Variants in ATP6V1C1 observed in about 807,000 individuals in gnomAD.
ATP6V1C1 encodes V-type proton ATPase subunit C 1.
In ATP6V1C1, 45 loss-of-function variants were observed where a neutral mutation model predicts 53.9. The observed-to-expected ratio is 0.83, with a 90% CI of 0.66 to 1.07. ATP6V1C1 has a LOEUF of 1.07. ATP6V1C1 is among the 50% of genes least tolerant of loss of function. The probability of loss-of-function intolerance (pLI) is 0.00; values close to 1 mark genes in which losing one functional copy is unlikely to be tolerated. For missense variants in ATP6V1C1, 315 were observed against 440.3 expected (o/e 0.72, Z 2.55); for synonymous variants, 153 against 155.2 (o/e 0.99, Z 0.11).
At chr8:103,029,217 G>T (rs1042563160) in intron 1 of ATP6V1C1, among the ~76,000 whole-genome samples, 1 of 151,428 alleles carries the variant, frequency 6.6e-6, no homozygotes, top group East Asian at 1.9e-4. Context: ...TTGCCAAATT[G>T]TGTTCCAGAA....
chr8:103,056,339 G>T (rs1817288536), intron 8 of ATP6V1C1, among the ~76,000 whole-genome samples: 1 of 152,140 alleles, frequency 6.6e-6, no homozygotes, highest in Non-Finnish European at 1.5e-5. Flanking sequence ...AAGTGTACCA[G>T]AATGGCTACT....
chr8:103,048,936 G>C lies in ATP6V1C1; in HGVS notation c.267G>C (p.Glu89Asp). The change falls in exon 4 of 13, where the codon GAG (glutamate) becomes GAC (aspartate). Residue 89 changes from glutamate to aspartate, a missense_variant. Physicochemically the swap from Glu to Asp is conservative, Grantham distance 45. Transcript: ENST00000518738. ...VLEDSKDKVQ[E>D]NLLANGVDLV... ...AAGATAGCAAAGACAAAGTTCAAGA[G>C]AATCTGTTGGCTAATGGAGGTAAGC... is the stretch of plus-strand genomic sequence containing the variant. 6.2e-7 allele frequency: 1 copy of C among 1,613,126 alleles called. No homozygotes were observed. Among genetic ancestry groups the C allele is most frequent in the Non-Finnish European group, 8.5e-7 (1 of 1,179,564 alleles).
intron 8 of ATP6V1C1, among the ~76,000 whole-genome samples, chr8:103,060,335 A>T: frequency 6.6e-6 from 1 of 152,196 alleles, no homozygotes; most frequent in East Asian, 1.9e-4. Context: ...ATTCATTTGC[A>T]TATGGGGTTC....
intron 3 of ATP6V1C1, 53 bp from the exon 4 acceptor site, chr8:103,048,817 T>A: frequency 1.4e-6 from 2 of 1,462,576 alleles, no homozygotes; most frequent in Non-Finnish European, 1.9e-6. Flanking sequence ...TTGTATAGAA[T>A]GGAATTTAGA....
At chr8:103,062,381 G>T (rs2131403071) in intron 8 of ATP6V1C1, among the ~76,000 whole-genome samples, 1 of 151,900 alleles carries the variant, frequency 6.6e-6, no homozygotes, top group East Asian at 1.9e-4. Flanking sequence ...ATGTTGCCCA[G>T]GCTGGTCTCA....
chr8:103,064,845 A>C, intron 11 of ATP6V1C1, 34 bp downstream of exon 11: 4 of 1,578,606 alleles, frequency 2.5e-6, no homozygotes. Flanking sequence ...TTGGAACTGA[A>C]GAGTTCATAG....
intron 1 of ATP6V1C1, among the ~76,000 whole-genome samples, chr8:103,034,485 C>T (rs957650896): frequency 5.9e-5 from 9 of 151,702 alleles, no homozygotes; most frequent in Middle Eastern, 3.2e-3. Context: ...TTCCATTTTC[C>T]GATGAATAAA....
At chr8:103,029,544 A>G (rs778122278) in intron 1 of ATP6V1C1, among the ~76,000 whole-genome samples, 4 of 152,140 alleles carry the variant, frequency 2.6e-5, no homozygotes, top group African/African-American at 4.8e-5. Flanking sequence ...TTGGGATTAC[A>G]GGCATGAGCC....
Position 103,070,833 on chromosome 8 carries a change from T to A in ATP6V1C1, c.*2086T>A, listed in dbSNP as rs1563612627. 1 of 152,260 alleles carries A rather than the reference T, an allele frequency of 6.6e-6. No homozygotes were observed. The highest frequency in any genetic ancestry group is 1.5e-5 in the Non-Finnish European group (1 of 68,052). The allele number at this position is 152,260 out of a possible 1,614,324, so 9.4% of individuals were successfully genotyped here. A position where few individuals can be genotyped will look rare whatever the true frequency, so the allele number is the denominator to read the frequency against. On this transcript the variant is annotated 3_prime_UTR_variant, in exon 13 of 13. Transcript: ENST00000518738. ...CCAGCTCTGCTGCTGACGAGCTGTGTGGTCCTGGGCAGAGTGGTCTCCGAG... is the reference window on the plus strand; with the variant it reads ...CCAGCTCTGCTGCTGACGAGCTGTGAGGTCCTGGGCAGAGTGGTCTCCGAG...
intron 8 of ATP6V1C1, among the ~76,000 whole-genome samples, chr8:103,059,335 C>A (rs1817351175): frequency 6.6e-6 from 1 of 152,180 alleles, no homozygotes; most frequent in Non-Finnish European, 1.5e-5. Flanking sequence ...CCCCCAACCA[C>A]ATACCTGGTT....
intron 7 of ATP6V1C1, 99 bp from the exon 8 acceptor site, chr8:103,055,769 C>A: frequency 9.0e-7 from 1 of 1,116,952 alleles, no homozygotes; most frequent in Non-Finnish European, 1.3e-6. Context: ...CTTACTATAG[C>A]CAGATTTCCT....
intron 1 of ATP6V1C1, among the ~76,000 whole-genome samples, chr8:103,026,683 C>T (rs988785188): frequency 1.3e-5 from 2 of 151,982 alleles, no homozygotes; most frequent in African/African-American, 4.8e-5. Context: ...CATGGTGGCT[C>T]GTGCCTATAA....
intron 7 of ATP6V1C1, among the ~76,000 whole-genome samples, chr8:103,055,004 G>A (rs1164630089): frequency 6.6e-6 from 1 of 151,908 alleles, no homozygotes; most frequent in African/African-American, 2.4e-5. Context: ...ATTTTTCTTT[G>A]CACAGGGAGA....
chr8:103,059,711 C>T (rs989470612), intron 8 of ATP6V1C1, among the ~76,000 whole-genome samples: 1 of 152,038 alleles, frequency 6.6e-6, no homozygotes, highest in African/African-American at 2.4e-5. Flanking sequence ...CTCTGACTCC[C>T]TCATCCCTTG....
intron 1 of ATP6V1C1, among the ~76,000 whole-genome samples, chr8:103,039,535 T>C (rs180774680): frequency 6.6e-5 from 10 of 152,334 alleles, no homozygotes; most frequent in African/African-American, 2.4e-4. Flanking sequence ...TTTAGAGACA[T>C]TGAATATTAG....
chr8:103,052,690 A>C, intron 5 of ATP6V1C1, 41 bp from the exon 6 acceptor site: 1 of 1,381,932 alleles, frequency 7.2e-7, no homozygotes, highest in East Asian at 2.5e-5. Context: ...AGGCAGATTT[A>C]GGAAAATTTT....
intron 2 of ATP6V1C1, among the ~76,000 whole-genome samples, chr8:103,041,623 G>A (rs1034913257): frequency 2.0e-5 from 3 of 152,170 alleles, no homozygotes; most frequent in Non-Finnish European, 2.9e-5. Flanking sequence ...TGTAAACCTA[G>A]CACTTTGGGA....
chr8:103,041,409 AT>A (rs2131389133), intron 2 of ATP6V1C1, among the ~76,000 whole-genome samples: 1 of 152,350 alleles, frequency 6.6e-6, no homozygotes, highest in Admixed American at 6.5e-5. Flanking sequence ...TCTATGTAAG[AT>A]TCACTCTTAT....
At chr8:103,064,144 C>T (rs1336825294) in intron 10 of ATP6V1C1, among the ~76,000 whole-genome samples, 9 of 152,056 alleles carry the variant, frequency 5.9e-5, no homozygotes, top group South Asian at 2.1e-4. Flanking sequence ...ATTTGAAATC[C>T]GCTTAATCCT....
Sources: gnomAD v4.1 joint callset for allele counts (sites outside exome capture counted in the v4.1 genomes callset) on GRCh38, gnomAD v4.1.1 for gene constraint, MANE v1.5 for transcripts, NCBI Gene and HGNC (gene_info 2026-07-23, HGNC 2026-07-21) for gene names.